The following ANTXR1 variants were observed in gnomAD, a reference collection of about 807,000 sequenced individuals.
ANTXR1 encodes ANTXR cell adhesion molecule 1.
ANTXR1 carries 19 observed loss-of-function variants against 78.1 expected under a neutral mutation model. That is an observed-to-expected ratio of 0.24 (90% confidence interval 0.17 to 0.36). The LOEUF (loss-of-function observed/expected upper bound fraction) is 0.36. Among genes scored for constraint, ANTXR1 ranks in the 10% least tolerant of loss-of-function variants. The probability of loss-of-function intolerance (pLI) is 1.00; values close to 1 mark genes in which losing one functional copy is unlikely to be tolerated. For missense variants in ANTXR1, 518 were observed against 718.6 expected, an observed-to-expected ratio of 0.72 and a Z score of 3.19; for synonymous variants, 273 against 260.5, an observed-to-expected ratio of 1.05 and a Z score of -0.46.
At chr2:69,073,130 A>T (rs1380672897) in intron 6 of ANTXR1, 29 bp downstream of exon 6, 1 of 1,606,758 alleles carries the variant, frequency 6.2e-7, no homozygotes, top group Admixed American at 1.7e-5. Flanking sequence ...GTGTCTAAAC[A>T]TATACATGGA....
intron 10 of ANTXR1, among the ~76,000 whole-genome samples, chr2:69,113,941 T>C (rs995151150): frequency 6.6e-6 from 1 of 152,240 alleles, no homozygotes; most frequent in African/African-American, 2.4e-5. Context: ...TTGTAAGTTC[T>C]ATAAATGTCA....
At chr2:69,127,844 G>A (rs1291411303) in intron 12 of ANTXR1, among the ~76,000 whole-genome samples, 1 of 152,182 alleles carries the variant, frequency 6.6e-6, no homozygotes, top group Non-Finnish European at 1.5e-5. Flanking sequence ...CAGACAGGAA[G>A]AAGACAGAGG....
intron 12 of ANTXR1, among the ~76,000 whole-genome samples, chr2:69,133,050 G>C (rs1203433383): frequency 6.6e-6 from 1 of 152,192 alleles, no homozygotes; most frequent in African/African-American, 2.4e-5. Context: ...GCTCTGAGGA[G>C]TGTCCACTTC....
At chr2:69,193,019 G>A (rs900587044) in intron 16 of ANTXR1, among the ~76,000 whole-genome samples, 1 of 152,168 alleles carries the variant, frequency 6.6e-6, no homozygotes, top group Non-Finnish European at 1.5e-5. Flanking sequence ...TGTGGTCTGA[G>A]GATATGCCCA....
At chr2:69,049,065 G>T (rs1469967350) in intron 3 of ANTXR1, among the ~76,000 whole-genome samples, 1 of 151,910 alleles carries the variant, frequency 6.6e-6, no homozygotes, top group Non-Finnish European at 1.5e-5. Context: ...GAAATGCTTT[G>T]CTGTTGTATT....
intron 8 of ANTXR1, among the ~76,000 whole-genome samples, chr2:69,082,612 G>A (rs750186725): frequency 2.0e-5 from 3 of 151,964 alleles, no homozygotes; most frequent in African/African-American, 4.8e-5. Context: ...ACAGGAACCC[G>A]CATAAAAGCT....
intron 10 of ANTXR1, among the ~76,000 whole-genome samples, chr2:69,116,891 T>C (rs934821072): frequency 6.6e-6 from 1 of 152,234 alleles, no homozygotes; most frequent in African/African-American, 2.4e-5. Flanking sequence ...AATTGGCTAA[T>C]GAATTTCAAC....
At position 69,213,141 on chromosome 2, in the gene ANTXR1, A is replaced by G. The variant is rs376251872; in HGVS notation, c.1434+19726A>G. Among the ~76,000 whole-genome samples the G allele has an allele frequency of 2.0e-5, 3 of 152,002 alleles. No individual in the cohort carries two copies. In the East Asian group the frequency reaches 5.8e-4, roughly 29 times the overall value. ...GTTAAACAAAATTAATAACATACAA[A>G]GTGCAAATTATATAACCCTAAAGCA... On this transcript the variant is annotated intron_variant, in intron 17 of 17. Transcript: ENST00000303714.
intron 13 of ANTXR1, among the ~76,000 whole-genome samples, chr2:69,155,055 A>C (rs1024605701): frequency 6.6e-6 from 1 of 152,180 alleles, no homozygotes; most frequent in Non-Finnish European, 1.5e-5. Context: ...TGGAAGAAGA[A>C]ACCTGATGGG....
chr2:69,232,895 G>A (rs188856166), intron 17 of ANTXR1, among the ~76,000 whole-genome samples: 1 of 152,088 alleles, frequency 6.6e-6, no homozygotes. Flanking sequence ...AAAAAGGAAG[G>A]TTAGAACATG....
At chr2:69,031,904 G>A (rs1384994076) in intron 1 of ANTXR1, among the ~76,000 whole-genome samples, 1 of 152,186 alleles carries the variant, frequency 6.6e-6, no homozygotes, top group East Asian at 1.9e-4. Flanking sequence ...CTCCAGGGTG[G>A]CTCCTGCCAG....
At chr2:69,178,506 GGCCAGGGACAAGAGGGAGGA>G (rs1674190486) in intron 14 of ANTXR1, among the ~76,000 whole-genome samples, 1 of 152,164 alleles carries the variant, frequency 6.6e-6, no homozygotes, top group Admixed American at 6.5e-5. Context: ...TCCTTCCCCA[GGCCAGGGACAAGAGGGAGGA>G]GCCAGGGACT....
intron 3 of ANTXR1, among the ~76,000 whole-genome samples, chr2:69,063,258 A>G (rs1252584230): frequency 6.6e-6 from 1 of 152,196 alleles, no homozygotes; most frequent in Non-Finnish European, 1.5e-5. Flanking sequence ...ATTTCTGAAA[A>G]ATCTAAAAAG....
intron 17 of ANTXR1, among the ~76,000 whole-genome samples, chr2:69,233,457 G>A (rs971462772): frequency 1.4e-4 from 21 of 151,492 alleles, no homozygotes; most frequent in African/African-American, 4.4e-4. Flanking sequence ...TATATCAGTA[G>A]GTGAAAATAT....
At chr2:69,137,423 A>G (rs182132744) in intron 12 of ANTXR1, among the ~76,000 whole-genome samples, 4 of 152,296 alleles carry the variant, frequency 2.6e-5, no homozygotes, top group East Asian at 3.9e-4. Flanking sequence ...TGAATGACCA[A>G]TGTGTCCATT....
At chr2:69,146,119 G>T (rs1558598067) in intron 12 of ANTXR1, 2 of 985,462 alleles carry the variant, frequency 2.0e-6, no homozygotes, top group African/African-American at 1.7e-5. Flanking sequence ...GGCTGAGCTT[G>T]TCCTGCCTTC....
chr2:69,032,334 G>T (rs1273913963), intron 1 of ANTXR1, among the ~76,000 whole-genome samples: 1 of 152,114 alleles, frequency 6.6e-6, no homozygotes, highest in African/African-American at 2.4e-5. Context: ...GATGATGGGT[G>T]ATTTTTATTT....
At chr2:69,160,159 T>C (rs1361123781) in intron 13 of ANTXR1, among the ~76,000 whole-genome samples, 2 of 152,152 alleles carry the variant, frequency 1.3e-5, no homozygotes, top group Non-Finnish European at 2.9e-5. Context: ...ACAAGATTAT[T>C]TCTCGTTAGC....
chr2:69,115,743 C>A (rs55981803), intron 10 of ANTXR1, among the ~76,000 whole-genome samples: 43,406 of 151,818 alleles, frequency 0.29, 6,336 homozygotes, highest in Non-Finnish European at 0.33. Flanking sequence ...ATGTGTTGGC[C>A]AAGCCCATCC....
Sources: gnomAD v4.1 joint callset for allele counts (sites outside exome capture counted in the v4.1 genomes callset) on GRCh38, gnomAD v4.1.1 for gene constraint, MANE v1.5 for transcripts, NCBI Gene and HGNC (gene_info 2026-07-23, HGNC 2026-07-21) for gene names.